SEMA3E: variants seen among roughly 807,000 people sequenced by gnomAD.
SEMA3E encodes semaphorin-3E.
A neutral mutation model predicts 93.6 loss-of-function variants in SEMA3E; 49 were observed. That is an observed-to-expected ratio of 0.52 (90% CI 0.42 to 0.66). The LOEUF is 0.66. Ranked by LOEUF, SEMA3E falls within the 30% of genes least tolerant of loss-of-function variation. The pLI is 0.00. For synonymous variants in SEMA3E, 363 were observed against 330.7 expected (o/e 1.10, Z -1.06); for missense variants, 906 against 964.8 (o/e 0.94, Z 0.81).
intron 1 of SEMA3E, among the ~76,000 whole-genome samples, chr7:83,612,984 A>G (rs1055489616): frequency 1.3e-5 from 2 of 152,108 alleles, no homozygotes; most frequent in Non-Finnish European, 2.9e-5. Flanking sequence ...CAGTTTTGTC[A>G]TTTGCTAGCT....
chr7:83,451,041 G>A (rs954949320), intron 4 of SEMA3E, among the ~76,000 whole-genome samples: 4 of 152,112 alleles, frequency 2.6e-5, no homozygotes. Flanking sequence ...CCCCCATCCT[G>A]TTAGTGATAG....
chr7:83,453,246 T>A (rs1255153620), intron 4 of SEMA3E, among the ~76,000 whole-genome samples: 1 of 152,048 alleles, frequency 6.6e-6, no homozygotes, highest in Admixed American at 6.6e-5. Flanking sequence ...GCGAGGCTGG[T>A]CTTGAACTCC....
At chr7:83,374,121 G>T (rs1794786686) in intron 16 of SEMA3E, among the ~76,000 whole-genome samples, 1 of 146,650 alleles carries the variant, frequency 6.8e-6, no homozygotes, top group African/African-American at 2.5e-5. Context: ...CAAGAGATTT[G>T]CTTGAACCCA....
At chr7:83,429,354 C>T (rs937034442) in intron 4 of SEMA3E, among the ~76,000 whole-genome samples, 1 of 152,046 alleles carries the variant, frequency 6.6e-6, no homozygotes, top group African/African-American at 2.4e-5. Context: ...CATTCTCTTC[C>T]TCACCCTAAG....
intron 4 of SEMA3E, among the ~76,000 whole-genome samples, chr7:83,431,090 A>G (rs1280679231): frequency 2.3e-3 from 7 of 3,068 alleles, no homozygotes; most frequent in Non-Finnish European, 4.4e-3. Context: ...AAAAAGAAAA[A>G]AAAGAAAAAA....
chr7:83,470,418 A>G (rs973973303), intron 2 of SEMA3E, among the ~76,000 whole-genome samples: 1 of 152,028 alleles, frequency 6.6e-6, no homozygotes, highest in Non-Finnish European at 1.5e-5. Context: ...AATTGATTGT[A>G]CTATGTGCCA....
At chr7:83,616,675 A>G (rs1315731494) in intron 1 of SEMA3E, 2 of 452,304 alleles carry the variant, frequency 4.4e-6, no homozygotes, top group South Asian at 1.6e-5. Flanking sequence ...GTGAAGGCCC[A>G]GATGAGATCC....
At chr7:83,464,606 G>A (rs1430763250) in intron 4 of SEMA3E, among the ~76,000 whole-genome samples, 2 of 145,800 alleles carry the variant, frequency 1.4e-5, no homozygotes, top group African/African-American at 5.0e-5. Context: ...GATATCCTGA[G>A]TAGTCCCAAT....
chr7:83,475,470 A>C (rs1277235206), intron 2 of SEMA3E, among the ~76,000 whole-genome samples: 1 of 152,150 alleles, frequency 6.6e-6, no homozygotes, highest in Non-Finnish European at 1.5e-5. Flanking sequence ...CCCCCTAGAC[A>C]AAGTTTAGAC....
At chr7:83,462,247 C>T (rs759841639) in intron 4 of SEMA3E, 12 of 152,268 alleles carry the variant, frequency 7.9e-5, no homozygotes, top group Non-Finnish European at 1.5e-4. Flanking sequence ...TGGAGGCTAC[C>T]CACTCCACAT....
intron 1 of SEMA3E, among the ~76,000 whole-genome samples, chr7:83,509,031 C>A (rs893756361): frequency 2.6e-5 from 4 of 152,128 alleles, no homozygotes; most frequent in African/African-American, 9.7e-5. Context: ...GTAAAGGGCC[C>A]CTTGAGCCCA....
At chr7:83,368,306 T>C (rs1296716109) in intron 16 of SEMA3E, among the ~76,000 whole-genome samples, 1 of 151,752 alleles carries the variant, frequency 6.6e-6, no homozygotes, top group East Asian at 1.9e-4. Flanking sequence ...ATATCAATAC[T>C]GTAAAGTAAG....
At chr7:83,613,141 T>C (rs1017545014) in intron 1 of SEMA3E, among the ~76,000 whole-genome samples, 2 of 152,102 alleles carry the variant, frequency 1.3e-5, no homozygotes, top group African/African-American at 4.8e-5. Flanking sequence ...GAAAATAATT[T>C]CTATTCGTAT....
chr7:83,435,775 T>A (rs952875955), intron 4 of SEMA3E, among the ~76,000 whole-genome samples: 9 of 152,228 alleles, frequency 5.9e-5, no homozygotes, highest in Non-Finnish European at 8.8e-5. Flanking sequence ...ATATTATTTA[T>A]ATCATTGGTC....
intron 1 of SEMA3E, among the ~76,000 whole-genome samples, chr7:83,607,039 TTGTACCAACACTTCC>T (rs1793139576): frequency 6.6e-6 from 1 of 152,176 alleles, no homozygotes. Context: ...CTATGTATAA[TTGTACCAACACTTCC>T]TGTTTGGTGC....
At chr7:83,392,214 C>T (rs1788032179) in intron 14 of SEMA3E, among the ~76,000 whole-genome samples, 1 of 152,124 alleles carries the variant, frequency 6.6e-6, no homozygotes, top group Non-Finnish European at 1.5e-5. Flanking sequence ...TGAAGACCAG[C>T]TGGTAGAGAG....
At chr7:83,589,624 A>T (rs963760052) in intron 1 of SEMA3E, among the ~76,000 whole-genome samples, 2 of 152,170 alleles carry the variant, frequency 1.3e-5, no homozygotes, top group Admixed American at 6.6e-5. Flanking sequence ...AATCAGATGA[A>T]AATTATTTTA....
At chr7:83,403,657 T>C (rs113244764) in intron 9 of SEMA3E, among the ~76,000 whole-genome samples, 9 of 151,988 alleles carry the variant, frequency 5.9e-5, no homozygotes, top group African/African-American at 2.4e-5. Context: ...GAAAGTGTTT[T>C]GCAAAATTCA....
At chr7:83,569,049 A>G (rs957126901) in intron 1 of SEMA3E, among the ~76,000 whole-genome samples, 1 of 152,182 alleles carries the variant, frequency 6.6e-6, no homozygotes, top group Non-Finnish European at 1.5e-5. Flanking sequence ...ATATGAAATT[A>G]ACAAACTATT....
Sources: allele counts gnomAD v4.1 joint callset (sites outside exome capture counted in the v4.1 genomes callset), GRCh38; gene constraint gnomAD v4.1.1; transcripts MANE v1.5; gene names NCBI Gene and HGNC (gene_info 2026-07-23, HGNC 2026-07-21).